FUT9: variants seen among roughly 807,000 people sequenced by gnomAD.
FUT9 encodes the protein 4-galactosyl-N-acetylglucosaminide 3-alpha-L-fucosyltransferase 9.
A neutral mutation model predicts 29.7 loss-of-function variants in FUT9; 15 were observed. The observed-to-expected ratio is 0.51, with a 90% confidence interval of 0.34 to 0.78. The LOEUF (loss-of-function observed/expected upper bound fraction) is 0.78. Among genes scored for constraint, FUT9 ranks in the 30% least tolerant of loss-of-function variants. The probability of loss-of-function intolerance (pLI) is 0.01; values close to 1 mark genes in which losing one functional copy is unlikely to be tolerated. For missense variants in FUT9, 319 were observed against 425.4 expected (o/e 0.75, Z 2.20); for synonymous variants, 169 against 153.7 (o/e 1.10, Z -0.74).
chr6:96,051,755 G>T, intron 1 of FUT9, among the ~76,000 whole-genome samples: 1 of 151,888 alleles, frequency 6.6e-6, no homozygotes, highest in East Asian at 1.9e-4. Context: ...TTAAATACAT[G>T]ATTTGCAAAC....
chr6:96,065,900 G>C (rs1770954333), intron 1 of FUT9, among the ~76,000 whole-genome samples: 1 of 152,184 alleles, frequency 6.6e-6, no homozygotes, highest in Admixed American at 6.5e-5. Context: ...TGTGAGATAA[G>C]TGTCAAGGCA....
chr6:96,081,767 T>C (rs1165257933), intron 1 of FUT9, among the ~76,000 whole-genome samples: 1 of 151,942 alleles, frequency 6.6e-6, no homozygotes, highest in Non-Finnish European at 1.5e-5. Context: ...GTGTTTGTGC[T>C]GATTTACACT....
intron 1 of FUT9, among the ~76,000 whole-genome samples, chr6:96,089,414 G>T (rs554277168): frequency 6.6e-6 from 1 of 152,160 alleles, no homozygotes; most frequent in East Asian, 1.9e-4. Flanking sequence ...AACCTGTCAG[G>T]AATCTGGGGA....
intron 1 of FUT9, among the ~76,000 whole-genome samples, chr6:96,052,586 C>T (rs2127939143): frequency 6.6e-6 from 1 of 152,256 alleles, no homozygotes; most frequent in Non-Finnish European, 1.5e-5. Flanking sequence ...AGCCAAATCT[C>T]ATGTGCTCCC....
chr6:96,043,638 ATTAG>A (rs1387621638), intron 1 of FUT9, among the ~76,000 whole-genome samples: 1 of 152,232 alleles, frequency 6.6e-6, no homozygotes. Context: ...AATTATAATT[ATTAG>A]TTATTCAAGA....
chr6:96,096,946 G>T (rs535537569), intron 1 of FUT9, among the ~76,000 whole-genome samples: 2 of 152,010 alleles, frequency 1.3e-5, no homozygotes, highest in Admixed American at 6.6e-5. Flanking sequence ...AATATCTCTG[G>T]TGTTAGAGCA....
intron 2 of FUT9, among the ~76,000 whole-genome samples, chr6:96,136,562 A>G (rs1772352405): frequency 6.6e-6 from 1 of 151,982 alleles, no homozygotes; most frequent in Non-Finnish European, 1.5e-5. Context: ...AAACATTTTA[A>G]TGTACCTAAC....
chr6:96,105,850 G>A (rs533086663), intron 1 of FUT9, among the ~76,000 whole-genome samples: 15 of 152,162 alleles, frequency 9.9e-5, no homozygotes, highest in African/African-American at 3.1e-4. Flanking sequence ...GATCTTACCC[G>A]TACCTATTAT....
intron 1 of FUT9, among the ~76,000 whole-genome samples, chr6:96,032,405 C>G (rs998066524): frequency 1.3e-5 from 2 of 150,830 alleles, no homozygotes; most frequent in Non-Finnish European, 3.0e-5. Flanking sequence ...TAATTTTTTT[C>G]GCATAATACA....
chr6:96,178,255 T>C (rs1582288152), intron 2 of FUT9, among the ~76,000 whole-genome samples: 1 of 152,332 alleles, frequency 6.6e-6, no homozygotes, highest in South Asian at 2.1e-4. Flanking sequence ...GTTTTAATCC[T>C]AACCCACTTG....
At chr6:96,066,819 A>C (rs1390843475) in intron 1 of FUT9, among the ~76,000 whole-genome samples, 1 of 152,068 alleles carries the variant, frequency 6.6e-6, no homozygotes, top group Non-Finnish European at 1.5e-5. Context: ...CTCCTCCCTG[A>C]ATATTCAGAG....
chr6:96,154,077 A>G (rs375280487), intron 2 of FUT9, among the ~76,000 whole-genome samples: 332 of 152,332 alleles, frequency 2.2e-3, no homozygotes, highest in African/African-American at 7.7e-3. Flanking sequence ...TTTCAATCCA[A>G]TGGTTAATCT....
chr6:96,056,189 C>A (rs1487186304), intron 1 of FUT9, among the ~76,000 whole-genome samples: 5 of 152,076 alleles, frequency 3.3e-5, no homozygotes, highest in Admixed American at 1.3e-4. Context: ...ATGCTTTCTG[C>A]CTTGGACTCT....
intron 2 of FUT9, among the ~76,000 whole-genome samples, chr6:96,190,756 A>G (rs1773491475): frequency 6.6e-6 from 1 of 152,176 alleles, no homozygotes; most frequent in Non-Finnish European, 1.5e-5. Context: ...TTTCCGCTCC[A>G]TCAGGTCCTT....
At chr6:96,075,474 A>G (rs2127948915) in intron 1 of FUT9, among the ~76,000 whole-genome samples, 1 of 152,304 alleles carries the variant, frequency 6.6e-6, no homozygotes, top group Non-Finnish European at 1.5e-5. Context: ...CCTGACAAAT[A>G]TATATGTATA....
Position 96,203,713 on chromosome 6 carries a change from G to C in FUT9, c.558G>C (p.Glu186Asp). 1 of 1,614,044 alleles carries C rather than the reference G, an allele frequency of 6.2e-7. No homozygotes were observed. The highest frequency in any genetic ancestry group is 2.2e-5 in the East Asian group (1 of 44,872). The change falls in exon 3 of 3, where the codon GAG (glutamate) becomes GAC (aspartate). Residue 186 changes from glutamate (E) to aspartate (D), a missense_variant. Physicochemically the swap from Glu to Asp is conservative, Grantham distance 45 (BLOSUM62 2). Coordinates refer to ENST00000302103, the MANE Select transcript of FUT9 (RefSeq NM_006581.4). ...TCGTGTTTGAAGTGCCAAGCAAAGA[G>C]AAATTGGTGTGCTGGGTTGTGAGTA... ...NPFVFEVPSK[E>D]KLVCWVVSNW...
chr6:96,022,752 A>G (rs1379702147), intron 1 of FUT9, among the ~76,000 whole-genome samples: 1 of 151,764 alleles, frequency 6.6e-6, no homozygotes, highest in African/African-American at 2.4e-5. Flanking sequence ...GAGTTGGTAC[A>G]CCCCAAAATG....
At position 96,215,502 on chromosome 6, in the gene FUT9, T is replaced by C. The variant is rs1774020171; in HGVS notation, c.*11267T>C. ...CCTAAATTCAGTGTAAGTACCTCGC[T>C]GATTTAGCACTGGAGTTATTCCTTG... On this transcript the variant is annotated 3_prime_UTR_variant, in exon 3 of 3. Coordinates refer to ENST00000302103, the MANE Select transcript of FUT9 (RefSeq NM_006581.4). 1 of 166,794 alleles carries C rather than the reference T, an allele frequency of 6.0e-6. No individual in the cohort carries two copies. The highest frequency in any genetic ancestry group is 6.5e-5 in the Admixed American group (1 of 15,284). 10.3% of individuals were successfully genotyped at this position (166,794 alleles called of 1,614,324 possible). A position where few individuals can be genotyped will look rare whatever the true frequency, so the allele number is the denominator to read the frequency against.
At chr6:96,023,846 CT>C (rs1402723035) in intron 1 of FUT9, among the ~76,000 whole-genome samples, 1 of 151,768 alleles carries the variant, frequency 6.6e-6, no homozygotes, top group Non-Finnish European at 1.5e-5. Context: ...ATTTTCTTTC[CT>C]CTTTTTCTTC....
Sources: gnomAD v4.1 joint callset for allele counts (sites outside exome capture counted in the v4.1 genomes callset) on GRCh38, gnomAD v4.1.1 for gene constraint, MANE v1.5 for transcripts, NCBI Gene and HGNC (gene_info 2026-07-23, HGNC 2026-07-21) for gene names.